The following DNAH17 variants were observed in gnomAD, a reference collection of about 807,000 sequenced individuals.
DNAH17 encodes axonemal beta dynein heavy chain 17.
Under a neutral mutation model 485.6 loss-of-function variants are expected in DNAH17, and 376 were observed. The ratio of observed to expected loss-of-function variants is 0.77; its 90% CI spans 0.71 to 0.84. The LOEUF is 0.84. Ranked by LOEUF, DNAH17 falls within the 40% of genes least tolerant of loss-of-function variation. The pLI is 0.00. For synonymous variants in DNAH17, 3,031 were observed against 2,405.9 expected, an observed-to-expected ratio of 1.26 and a Z score of -7.60; for missense variants, 6,370 against 5,839.3, an observed-to-expected ratio of 1.09 and a Z score of -2.96.
chr17:78,463,182 C>A, intron 56 of DNAH17, 105 bp from the exon 57 acceptor site: 1 of 990,190 alleles, frequency 1.0e-6, no homozygotes, highest in Non-Finnish European at 1.5e-6. Context: ...GCCCTGAGAC[C>A]GCTCTCAACC....
At chr17:78,536,816 G>C (rs775312811) in intron 19 of DNAH17, among the ~76,000 whole-genome samples, 1 of 152,144 alleles carries the variant, frequency 6.6e-6, no homozygotes, top group Non-Finnish European at 1.5e-5. Flanking sequence ...CTTTGGGAAG[G>C]ACGACAGATG....
intron 44 of DNAH17, among the ~76,000 whole-genome samples, chr17:78,488,214 G>A (rs1405165898): frequency 6.6e-6 from 1 of 152,212 alleles, no homozygotes; most frequent in Non-Finnish European, 1.5e-5. Context: ...ACATGCTTGC[G>A]AGACAGGCCG....
chr17:78,500,221 T>G, intron 36 of DNAH17, 84 bp downstream of exon 36: 2 of 1,427,508 alleles, frequency 1.4e-6, no homozygotes, highest in Non-Finnish European at 1.9e-6. Context: ...TGGAGTTTAC[T>G]GTGGGGCCTC....
At chr17:78,557,895 G>A (rs919296099) in intron 14 of DNAH17, among the ~76,000 whole-genome samples, 4 of 152,032 alleles carry the variant, frequency 2.6e-5, no homozygotes, top group Non-Finnish European at 5.9e-5. Flanking sequence ...AGGACGGCAG[G>A]ACAGAGATCT....
chr17:78,466,928 CGCCCAGG>C (rs2088496618), intron 55 of DNAH17, 112 bp from the exon 56 acceptor site: 7 of 1,185,306 alleles, frequency 5.9e-6, no homozygotes, highest in Non-Finnish European at 6.8e-6. Context: ...CGGGCTCAGC[CGCCCAGG>C]GCCTGGGCAG....
chr17:78,478,014 TCACC>T (rs2089135921), intron 51 of DNAH17, among the ~76,000 whole-genome samples: 3 of 115,880 alleles, frequency 2.6e-5, no homozygotes, highest in African/African-American at 6.9e-5. Flanking sequence ...ATCACCATCA[TCACC>T]ATCACCACCA....
intron 68 of DNAH17, 124 bp downstream of exon 68, chr17:78,450,130 C>T: frequency 1.7e-6 from 2 of 1,172,228 alleles, no homozygotes; most frequent in Non-Finnish European, 2.4e-6. Flanking sequence ...CAGGCTGGAC[C>T]AGGTCTGCCC....
At chr17:78,549,499 C>T (rs546274408) in intron 16 of DNAH17, among the ~76,000 whole-genome samples, 1 of 152,240 alleles carries the variant, frequency 6.6e-6, no homozygotes, top group African/African-American at 2.4e-5. Context: ...CCAACAACCT[C>T]AGAATTGGCA....
At position 78,537,188 on chromosome 17, in the gene DNAH17, A is replaced by AAGG. The variant is rs1555686717; in HGVS notation, c.2859+110_2859+111insCCT. 2.1e-3 allele frequency: 2,380 copies of AAGG among 1,156,342 alleles called. 1 individual carries two copies. Among genetic ancestry groups the AAGG allele is most frequent in the East Asian group, 0.012 (419 of 35,390 alleles). The allele number at this position is 1,156,342 out of a possible 1,614,324, so 71.6% of individuals were successfully genotyped here. A position where few individuals can be genotyped will look rare whatever the true frequency, so the allele number is the denominator to read the frequency against. On this transcript the variant is annotated intron_variant, in intron 19 of 80. Coordinates refer to ENST00000389840, the MANE Select transcript of DNAH17 (RefSeq NM_173628.4). ...GTGAGATTCCGTCTCAAAAAAAAAA[A>AAGG]AAGAAAAAAAGAAAAGGTAAACGGC...
intron 14 of DNAH17, among the ~76,000 whole-genome samples, chr17:78,553,905 T>C (rs537429132): frequency 5.4e-4 from 83 of 152,304 alleles, no homozygotes; most frequent in Admixed American, 2.0e-3. Flanking sequence ...GAAATACATG[T>C]GGATCACTGA....
intron 57 of DNAH17, 108 bp from the exon 58 acceptor site, chr17:78,461,816 G>T: frequency 8.9e-7 from 1 of 1,119,380 alleles, no homozygotes; most frequent in Non-Finnish European, 1.2e-6. Flanking sequence ...GAACGGCAGG[G>T]CCGTGTCTTA....
chr17:78,505,234 C>A, intron 31 of DNAH17, 59 bp downstream of exon 31: 2 of 1,595,116 alleles, frequency 1.3e-6, no homozygotes, highest in Admixed American at 1.7e-5. Flanking sequence ...GGGCGTGTGG[C>A]CCACACGCGT....
At chr17:78,520,927 T>A (rs73383698) in intron 25 of DNAH17, among the ~76,000 whole-genome samples, 29,908 of 152,026 alleles carry the variant, frequency 0.2, 3,460 homozygotes, top group East Asian at 0.47. Context: ...AAACCAATCT[T>A]GACAAAAAAG....
intron 21 of DNAH17, 81 bp from the exon 22 acceptor site, chr17:78,529,775 G>T: frequency 7.0e-7 from 1 of 1,434,112 alleles, no homozygotes; most frequent in East Asian, 2.4e-5. Flanking sequence ...ATGAGAGGGG[G>T]ACGACCGCGG....
At position 78,529,478 on chromosome 17, in the gene DNAH17, C is replaced by A. The variant is rs752654313; in HGVS notation, c.3501G>T (p.Lys1167Asn). The A allele has an allele frequency of 1.2e-6, 2 of 1,613,944 alleles. No homozygotes were observed. Among genetic ancestry groups the A allele is most frequent in the Admixed American group, 3.3e-5 (2 of 60,014 alleles). ...GEEMPEEIHL[K>N]LQELPEHWAN... is the part of the protein sequence containing the mutation. The stretch of plus-strand genomic sequence containing the variant: ...ACACCCACCCACCACGTACCTGCAG[C>A]TTCAAGTGGATCTCCTCTGGCATCT... The change falls in exon 22 of 81, where the codon AAG becomes AAT. Residue 1167 changes from lysine (K) to asparagine (N), a missense_variant. Lys to Asn is a moderately conservative substitution (Grantham distance 94). Coordinates refer to ENST00000389840, the MANE Select transcript of DNAH17 (RefSeq NM_173628.4).
At chr17:78,495,152 C>G (rs576074785) in intron 38 of DNAH17, 55 bp from the exon 39 acceptor site, 314 of 1,519,058 alleles carry the variant, frequency 2.1e-4, no homozygotes, top group Non-Finnish European at 2.6e-4. Flanking sequence ...CCAACCTACA[C>G]CCCTGCCTGT....
At chr17:78,437,499 G>A (rs954059846) in intron 74 of DNAH17, 142 bp downstream of exon 74, 12 of 567,404 alleles carry the variant, frequency 2.1e-5, no homozygotes, top group East Asian at 5.9e-5. Flanking sequence ...TTTTGACTGC[G>A]AGGGGTGTGT....
intron 48 of DNAH17, among the ~76,000 whole-genome samples, chr17:78,483,128 G>A (rs1466656694): frequency 3.4e-5 from 5 of 147,158 alleles, no homozygotes; most frequent in East Asian, 2.0e-4. Context: ...CCCACACCAC[G>A]TTAGGTTCTC....
Position 78,484,872 on chromosome 17 carries a change from G to A in DNAH17, c.7645C>T (p.His2549Tyr). 1 of 1,559,600 alleles carries A rather than the reference G, an allele frequency of 6.4e-7. No individual in the cohort carries two copies. The highest frequency in any genetic ancestry group is 8.7e-7 in the Non-Finnish European group (1 of 1,151,986). ...TCCGGCCCCGCCCCGTCTAACCAGT[G>A]CCGGTGGTCCATGTGCTGCCGGATG... ...TLIRQHMDHRHWYDRHKLTLK... is the reference protein window; with the variant it reads ...TLIRQHMDHRYWYDRHKLTLK... Residue 2549 changes from histidine (H) to tyrosine (Y), a missense_variant, in exon 48 of 81, where the codon CAC becomes TAC. Physicochemically the swap from His to Tyr is moderately conservative, Grantham distance 83. Transcript: ENST00000389840.
Sources: gnomAD v4.1 joint callset for allele counts (sites outside exome capture counted in the v4.1 genomes callset) on GRCh38, gnomAD v4.1.1 for gene constraint, MANE v1.5 for transcripts, NCBI Gene and HGNC (gene_info 2026-07-23, HGNC 2026-07-21) for gene names.